Variants in PPP1R12B observed in about 807,000 individuals in gnomAD.
The protein encoded by PPP1R12B is protein phosphatase 1 regulatory subunit 12B.
A neutral mutation model predicts 126.1 loss-of-function variants in PPP1R12B; 76 were observed. The ratio of observed to expected loss-of-function variants is 0.60; its 90% CI spans 0.50 to 0.73. The LOEUF (loss-of-function observed/expected upper bound fraction) is 0.73, where lower values mean the gene tolerates loss of function less well. PPP1R12B is among the 30% of genes least tolerant of loss of function. PPP1R12B has a pLI of 0.00. For missense variants in PPP1R12B, 1,052 were observed against 1,205.1 expected (o/e 0.87, Z 1.88); for synonymous variants, 356 against 434.7 (o/e 0.82, Z 2.25).
At chr1:202,371,966 G>T (rs1166558319) in intron 1 of PPP1R12B, among the ~76,000 whole-genome samples, 3 of 149,774 alleles carry the variant, frequency 2.0e-5, no homozygotes, top group African/African-American at 4.9e-5. Context: ...CTGCCTCCCA[G>T]GTTCAAGTGA....
chr1:202,531,351 T>C (rs1172906182), intron 18 of PPP1R12B, among the ~76,000 whole-genome samples: 1 of 152,214 alleles, frequency 6.6e-6, no homozygotes, highest in Non-Finnish European at 1.5e-5. Context: ...AAATTATTTA[T>C]ATAAAAATAT....
intron 18 of PPP1R12B, chr1:202,502,628 A>G: frequency 3.5e-6 from 1 of 281,824 alleles, no homozygotes; most frequent in Admixed American, 6.5e-5. Context: ...AAATAAATAT[A>G]TAAAGTAAAT....
intron 13 of PPP1R12B, chr1:202,474,026 T>C: frequency 2.0e-6 from 1 of 506,196 alleles, no homozygotes; most frequent in East Asian, 5.7e-5. Flanking sequence ...GGGAAAGGTG[T>C]ACAGAGACAG....
chr1:202,528,866 T>C (rs934702538), intron 18 of PPP1R12B, among the ~76,000 whole-genome samples: 4 of 152,188 alleles, frequency 2.6e-5, no homozygotes, highest in African/African-American at 4.8e-5. Context: ...TTTGAAATCT[T>C]AGGCATAGGG....
At chr1:202,556,768 C>T (rs1241527502) in intron 18 of PPP1R12B, among the ~76,000 whole-genome samples, 4 of 152,192 alleles carry the variant, frequency 2.6e-5, no homozygotes, top group African/African-American at 9.7e-5. Flanking sequence ...TCAGTGCCTC[C>T]TCTACAGGGC....
chr1:202,356,821 C>CT (rs532654783), intron 1 of PPP1R12B, among the ~76,000 whole-genome samples: 1,671 of 139,776 alleles, frequency 0.012, 16 homozygotes, highest in East Asian at 0.022. Context: ...TGATTTCAGA[C>CT]TTTTTTTTTT....
At chr1:202,482,326 A>G (rs1020046347) in intron 13 of PPP1R12B, among the ~76,000 whole-genome samples, 3 of 152,180 alleles carry the variant, frequency 2.0e-5, no homozygotes, top group Admixed American at 6.5e-5. Context: ...GTTTTCCACA[A>G]TGGCTGTACT....
chr1:202,463,578 G>A (rs182904608), intron 13 of PPP1R12B, among the ~76,000 whole-genome samples: 153 of 152,284 alleles, frequency 1.0e-3, no homozygotes, highest in African/African-American at 3.4e-3. Flanking sequence ...TGCAACTTGA[G>A]TTGGCCTTTG....
chr1:202,577,261 T>A (rs1458575232), intron 23 of PPP1R12B: 1 of 152,060 alleles, frequency 6.6e-6, no homozygotes, highest in Non-Finnish European at 1.5e-5. Flanking sequence ...AAAAAAGAAA[T>A]CAAAAGAAGA....
At chr1:202,442,864 T>C (rs1671804806) in intron 12 of PPP1R12B, among the ~76,000 whole-genome samples, 1 of 151,850 alleles carries the variant, frequency 6.6e-6, no homozygotes, top group South Asian at 2.1e-4. Flanking sequence ...TGGGCAAGAC[T>C]GAATTTAAGT....
At chr1:202,351,942 T>G (rs943921028) in intron 1 of PPP1R12B, among the ~76,000 whole-genome samples, 6 of 152,184 alleles carry the variant, frequency 3.9e-5, no homozygotes, top group African/African-American at 1.4e-4. Flanking sequence ...ACGAGGTGCT[T>G]GAGTCAAAGA....
intron 1 of PPP1R12B, among the ~76,000 whole-genome samples, chr1:202,353,213 A>C (rs1482014011): frequency 6.6e-6 from 1 of 152,180 alleles, no homozygotes; most frequent in Admixed American, 6.5e-5. Context: ...TGGTAAAATA[A>C]AACTTGTGCT....
At chr1:202,464,170 C>T (rs1160893869) in intron 13 of PPP1R12B, among the ~76,000 whole-genome samples, 2 of 152,092 alleles carry the variant, frequency 1.3e-5, no homozygotes, top group Non-Finnish European at 2.9e-5. Context: ...GTAACACTGT[C>T]TTAGGATTGG....
chr1:202,500,302 G>C (rs1249875837), intron 18 of PPP1R12B, among the ~76,000 whole-genome samples: 2 of 151,752 alleles, frequency 1.3e-5, no homozygotes, highest in Admixed American at 6.6e-5. Context: ...GTTTATTGCA[G>C]CACTATTCAC....
chr1:202,451,576 A>G (rs1458933107), intron 13 of PPP1R12B, among the ~76,000 whole-genome samples: 2 of 151,888 alleles, frequency 1.3e-5, no homozygotes, highest in South Asian at 2.1e-4. Context: ...ACTTCTTTCT[A>G]CACAGACACG....
chr1:202,461,275 T>A (rs962527293), intron 13 of PPP1R12B, among the ~76,000 whole-genome samples: 1 of 152,156 alleles, frequency 6.6e-6, no homozygotes, highest in Non-Finnish European at 1.5e-5. Context: ...CGTTTCTGAC[T>A]CTTTCCTCAT....
intron 23 of PPP1R12B, chr1:202,577,323 A>G (rs954399130): frequency 1.3e-5 from 2 of 152,248 alleles, no homozygotes; most frequent in East Asian, 1.9e-4. Context: ...TTAAATTTCA[A>G]TGTCCAAAAT....
At chr1:202,432,744 T>C (rs1349818376) in intron 8 of PPP1R12B, among the ~76,000 whole-genome samples, 2 of 152,138 alleles carry the variant, frequency 1.3e-5, no homozygotes, top group African/African-American at 4.8e-5. Context: ...ATATTATCCC[T>C]CCAAACTGGA....
Position 202,491,290 on chromosome 1 carries a change from A to T in PPP1R12B, c.1942-1824A>T, listed in dbSNP as rs1171739818. 3.3e-5 allele frequency among the ~76,000 whole-genome samples: 5 copies of T among 152,094 alleles called. No homozygotes were observed. The East Asian group carries it at 9.6e-4, about 29-fold the overall frequency. Reference sequence around the variant, plus strand: ...CAGCTTCCCAGGTAGCTGGGATTACAGGCACCCATCACCACACCTGGCTAA... The same window carrying T: ...CAGCTTCCCAGGTAGCTGGGATTACTGGCACCCATCACCACACCTGGCTAA... On this transcript the variant is annotated intron_variant, in intron 14 of 23. Coordinates refer to ENST00000608999, the MANE Select transcript of PPP1R12B (RefSeq NM_002481.4).
Sources: gnomAD v4.1 joint callset for allele counts (sites outside exome capture counted in the v4.1 genomes callset) on GRCh38, gnomAD v4.1.1 for gene constraint, MANE v1.5 for transcripts, NCBI Gene and HGNC (gene_info 2026-07-23, HGNC 2026-07-21) for gene names.